CLVS1: variants seen among roughly 807,000 people sequenced by gnomAD.
CLVS1 encodes clavesin 1, also known as clavesin-1.
CLVS1 carries 10 observed loss-of-function variants against 33.1 expected under a neutral mutation model. The observed-to-expected ratio is 0.30, with a 90% CI of 0.19 to 0.51. The LOEUF is 0.51. Ranked by LOEUF, CLVS1 falls within the 20% of genes least tolerant of loss-of-function variation. The pLI is 0.97. For synonymous variants in CLVS1, 163 were observed against 166.1 expected (o/e 0.98, Z 0.14); for missense variants, 343 against 433.4 (o/e 0.79, Z 1.85).
intron 2 of CLVS1, among the ~76,000 whole-genome samples, chr8:61,266,381 G>C (rs545612528): frequency 1.3e-5 from 2 of 149,528 alleles, no homozygotes; most frequent in South Asian, 2.1e-4. Context: ...GGAACAAAAT[G>C]CTTGTTAACC....
chr8:61,214,656 T>G (rs1397822343), intron 2 of CLVS1, among the ~76,000 whole-genome samples: 1 of 152,214 alleles, frequency 6.6e-6, no homozygotes, highest in Non-Finnish European at 1.5e-5. Context: ...TTTTTCTTGC[T>G]TAAGCTGCCC....
intron 2 of CLVS1, among the ~76,000 whole-genome samples, chr8:61,140,162 C>G (rs565350960): frequency 1.3e-5 from 2 of 152,238 alleles, no homozygotes; most frequent in East Asian, 3.8e-4. Flanking sequence ...CTCCTTCCTT[C>G]AGACCCATTA....
chr8:61,343,437 C>A (rs1420406612), intron 2 of CLVS1, among the ~76,000 whole-genome samples: 1 of 152,228 alleles, frequency 6.6e-6, no homozygotes, highest in South Asian at 2.1e-4. Context: ...GACGTTGTTG[C>A]AATGGTCTGT....
Position 61,057,407 on chromosome 8 carries a change from CA to C in CLVS1, c.-243+178del, listed in dbSNP as rs1563387124. ...ACACACACACACACACACACACACA[CA>C]CACACCCCATCCAAGGAAAATTTGG... On this transcript the variant is annotated intron_variant, in intron 1 of 2. Transcript: ENST00000522621. Among the ~76,000 whole-genome samples, 394 of 148,524 alleles carry C rather than the reference CA, an allele frequency of 2.7e-3. 1 individual carries two copies. The highest frequency in any genetic ancestry group is 8.3e-3 in the African/African-American group (332 of 39,876).
intron 1 of CLVS1, among the ~76,000 whole-genome samples, chr8:61,063,284 A>AGAGAGAGAGG (rs1804616740): frequency 8.5e-6 from 1 of 117,420 alleles, no homozygotes; most frequent in Non-Finnish European, 1.7e-5. Context: ...AGAGAGAGAG[A>AGAGAGAGAGG]GAGAGAGAGA....
intron 4 of CLVS1, among the ~76,000 whole-genome samples, chr8:61,457,240 G>A (rs910017881): frequency 1.3e-5 from 2 of 152,040 alleles, no homozygotes; most frequent in African/African-American, 2.4e-5. Context: ...CGTGGCCCAC[G>A]TTTATATTTC....
rs1809479056 is a variant in CLVS1 at position 61,273,016 on chromosome 8, G to T, written c.-151-26661G>T. Among the ~76,000 whole-genome samples, 8 of 151,050 alleles carry T rather than the reference G, an allele frequency of 5.3e-5. No individual in the cohort carries two copies. The South Asian group carries it at 1.7e-3, about 32-fold the overall frequency. Reference sequence around the variant, plus strand: ...GCTCGTCAAAGTCATTCTCCATCCAGCTTTGTTCCGTTGCTGGTGAGGAAC... The same window carrying T: ...GCTCGTCAAAGTCATTCTCCATCCATCTTTGTTCCGTTGCTGGTGAGGAAC... On this transcript the variant is annotated intron_variant, in intron 2 of 2. Coordinates refer to the CLVS1 transcript ENST00000522621.
chr8:61,180,062 G>T (rs1283598360), intron 2 of CLVS1, among the ~76,000 whole-genome samples: 1 of 151,876 alleles, frequency 6.6e-6, no homozygotes, highest in East Asian at 1.9e-4. Context: ...CTGGTTTTTT[G>T]AAAAAATTAA....
intron 2 of CLVS1, among the ~76,000 whole-genome samples, chr8:61,188,661 T>C (rs1184331924): frequency 6.6e-6 from 1 of 152,034 alleles, no homozygotes; most frequent in Non-Finnish European, 1.5e-5. Context: ...ACAATAGGCA[T>C]AGCTAAAGGG....
intron 2 of CLVS1, among the ~76,000 whole-genome samples, chr8:61,158,092 A>G (rs924905506): frequency 6.6e-6 from 1 of 152,248 alleles, no homozygotes; most frequent in Non-Finnish European, 1.5e-5. Flanking sequence ...GAATGGATAA[A>G]CTATCATCTA....
intron 2 of CLVS1, among the ~76,000 whole-genome samples, chr8:61,210,764 A>G (rs1001634820): frequency 1.3e-5 from 2 of 152,234 alleles, no homozygotes; most frequent in African/African-American, 2.4e-5. Flanking sequence ...GTATGCTGCT[A>G]TATTTGTTCA....
intron 1 of CLVS1, among the ~76,000 whole-genome samples, chr8:61,097,893 T>G (rs1585608529): frequency 6.6e-6 from 1 of 152,234 alleles, no homozygotes; most frequent in Non-Finnish European, 1.5e-5. Flanking sequence ...TTGGGGGCAG[T>G]GGATCTTGTT....
At chr8:61,059,009 T>C (rs998926636) in intron 1 of CLVS1, among the ~76,000 whole-genome samples, 2 of 152,230 alleles carry the variant, frequency 1.3e-5, no homozygotes, top group Non-Finnish European at 2.9e-5. Context: ...TGAACATCCA[T>C]GTCTGAGACT....
chr8:61,087,524 T>C (rs1805148926), intron 1 of CLVS1, among the ~76,000 whole-genome samples: 1 of 152,050 alleles, frequency 6.6e-6, no homozygotes, highest in Non-Finnish European at 1.5e-5. Flanking sequence ...GGGTTGGCTG[T>C]GGAGGGAAGT....
chr8:61,464,739 A>G (rs999017436), intron 5 of CLVS1: 1 of 152,262 alleles, frequency 6.6e-6, no homozygotes, highest in Non-Finnish European at 1.5e-5. Context: ...CACCATGGCC[A>G]CAAGGATGTC....
intron 5 of CLVS1, among the ~76,000 whole-genome samples, chr8:61,490,586 G>A (rs1012899422): frequency 4.0e-5 from 6 of 150,028 alleles, no homozygotes; most frequent in Non-Finnish European, 7.4e-5. Context: ...GAGAATCCAG[G>A]GGCGGAGACT....
At chr8:61,148,985 C>A (rs892580763) in intron 2 of CLVS1, among the ~76,000 whole-genome samples, 3 of 152,134 alleles carry the variant, frequency 2.0e-5, no homozygotes, top group Non-Finnish European at 2.9e-5. Flanking sequence ...TCAGAGGACC[C>A]ATTTATGGTC....
At chr8:61,329,439 G>C (rs192614286) in intron 2 of CLVS1, among the ~76,000 whole-genome samples, 2 of 152,008 alleles carry the variant, frequency 1.3e-5, no homozygotes, top group African/African-American at 4.8e-5. Flanking sequence ...AATCAACCTG[G>C]TATTCAATAG....
chr8:61,153,980 AG>A (rs1806598602), intron 2 of CLVS1, among the ~76,000 whole-genome samples: 1 of 152,172 alleles, frequency 6.6e-6, no homozygotes, highest in Non-Finnish European at 1.5e-5. Context: ...CTACATCCCT[AG>A]GTTTTTAAGA....
Sources: allele counts gnomAD v4.1 joint callset (sites outside exome capture counted in the v4.1 genomes callset), GRCh38; gene constraint gnomAD v4.1.1; transcripts MANE v1.5; gene names NCBI Gene and HGNC (gene_info 2026-07-23, HGNC 2026-07-21).